Variants in TOX observed in about 807,000 individuals in gnomAD.
The protein encoded by TOX is thymocyte selection-associated high mobility group box protein TOX.
Under a neutral mutation model 53.7 loss-of-function variants are expected in TOX, and 11 were observed. The observed-to-expected ratio is 0.20, with a 90% confidence interval of 0.13 to 0.34. The LOEUF (loss-of-function observed/expected upper bound fraction) is 0.34, where lower values mean the gene tolerates loss of function less well. Among genes scored for constraint, TOX ranks in the 10% least tolerant of loss-of-function variants. TOX has a pLI of 1.00. For synonymous variants in TOX, 225 were observed against 245.3 expected (o/e 0.92, Z 0.77); for missense variants, 570 against 664.6 (o/e 0.86, Z 1.56).
At chr8:58,856,730 A>AG (rs1342656874) in intron 3 of TOX, among the ~76,000 whole-genome samples, 7 of 149,046 alleles carry the variant, frequency 4.7e-5, no homozygotes, top group African/African-American at 1.7e-4. Context: ...CCATGAAGGG[A>AG]GGGGCTCACC....
At chr8:58,835,201 A>C (rs1467938488) in intron 5 of TOX, among the ~76,000 whole-genome samples, 3 of 152,204 alleles carry the variant, frequency 2.0e-5, no homozygotes, top group Non-Finnish European at 4.4e-5. Context: ...TTTCATTGAG[A>C]GACAACCCAA....
chr8:59,078,253 TTCC>T (rs1804329433), intron 1 of TOX, among the ~76,000 whole-genome samples: 1 of 152,172 alleles, frequency 6.6e-6, no homozygotes, highest in African/African-American at 2.4e-5. Context: ...AGGGAGACTC[TTCC>T]TCCAGGAGCC....
intron 3 of TOX, among the ~76,000 whole-genome samples, chr8:58,857,419 G>A (rs1189938559): frequency 6.6e-6 from 1 of 152,096 alleles, no homozygotes; most frequent in African/African-American, 2.4e-5. Context: ...ATGGGTGCTA[G>A]GTTTCACTTT....
intron 1 of TOX, among the ~76,000 whole-genome samples, chr8:59,092,477 C>T (rs1366257951): frequency 6.7e-6 from 1 of 150,302 alleles, no homozygotes. Flanking sequence ...AATGCATTCA[C>T]TGTACGGAAG....
rs550702927 is a variant in TOX at position 59,108,640 on chromosome 8, C to T, written c.102+10246G>A. On this transcript the variant is annotated intron_variant, in intron 1 of 8. Transcript: ENST00000361421. ...TCTTCTCTTAAAACACTGAAGATTC[C>T]TAAATCATAAAGGAAACACACACAC... Among the ~76,000 whole-genome samples, 10 of 145,534 alleles carry T rather than the reference C, an allele frequency of 6.9e-5. No homozygotes were observed. The East Asian group carries it at 2.1e-3, about 30-fold the overall frequency.
chr8:58,976,911 C>T (rs1813111305), intron 1 of TOX, among the ~76,000 whole-genome samples: 1 of 152,182 alleles, frequency 6.6e-6, no homozygotes, highest in Non-Finnish European at 1.5e-5. Flanking sequence ...AAAGGATGTA[C>T]TGTCATCCAG....
intron 3 of TOX, among the ~76,000 whole-genome samples, chr8:58,935,271 A>G (rs1812324969): frequency 6.6e-6 from 1 of 152,154 alleles, no homozygotes; most frequent in Non-Finnish European, 1.5e-5. Context: ...ATCTAAATAT[A>G]TACAATAAAT....
intron 1 of TOX, among the ~76,000 whole-genome samples, chr8:58,979,787 C>T (rs1267726483): frequency 6.6e-6 from 1 of 152,166 alleles, no homozygotes; most frequent in Non-Finnish European, 1.5e-5. Flanking sequence ...CTTGACTCTA[C>T]CTCTTACTAT....
At chr8:58,858,701 T>A (rs1810956453) in intron 3 of TOX, among the ~76,000 whole-genome samples, 1 of 152,218 alleles carries the variant, frequency 6.6e-6, no homozygotes, top group African/African-American at 2.4e-5. Flanking sequence ...CCCAGGGCAA[T>A]AAGGAGACCC....
intron 1 of TOX, among the ~76,000 whole-genome samples, chr8:59,065,150 A>G (rs569924901): frequency 9.2e-5 from 14 of 152,238 alleles, no homozygotes; most frequent in Non-Finnish European, 1.8e-4. Context: ...TACTGTATTT[A>G]TTTAAAACAG....
intron 3 of TOX, among the ~76,000 whole-genome samples, chr8:58,884,500 AT>A (rs1462812334): frequency 6.6e-6 from 1 of 152,174 alleles, no homozygotes; most frequent in Non-Finnish European, 1.5e-5. Flanking sequence ...CTGCAAAATG[AT>A]TTATAAGTTG....
At chr8:58,872,274 C>T (rs1473112984) in intron 3 of TOX, among the ~76,000 whole-genome samples, 1 of 151,982 alleles carries the variant, frequency 6.6e-6, no homozygotes, top group Non-Finnish European at 1.5e-5. Context: ...CCCATGAGCA[C>T]ATTCTGATTA....
At chr8:59,063,899 TGTGTGTGTGTGTGTTC>T (rs1804040369) in intron 1 of TOX, among the ~76,000 whole-genome samples, 1 of 105,444 alleles carries the variant, frequency 9.5e-6, no homozygotes, top group Non-Finnish European at 1.7e-5. Flanking sequence ...AAATCATGTA[TGTGTGTGTGTGTGTTC>T]GTGTGTGTGT....
intron 1 of TOX, among the ~76,000 whole-genome samples, chr8:59,068,217 C>A (rs2914091): frequency 6.6e-6 from 1 of 151,986 alleles, no homozygotes; most frequent in Non-Finnish European, 1.5e-5. Flanking sequence ...TAACTCTGAA[C>A]GGTGAAAATA....
chr8:58,923,472 TACTC>T (rs1318135806), intron 3 of TOX, among the ~76,000 whole-genome samples: 2 of 152,174 alleles, frequency 1.3e-5, no homozygotes, highest in Non-Finnish European at 2.9e-5. Context: ...TTTCACATAA[TACTC>T]ACTCAGTGAA....
At chr8:59,039,069 C>T (rs1042599872) in intron 1 of TOX, among the ~76,000 whole-genome samples, 5 of 152,208 alleles carry the variant, frequency 3.3e-5, no homozygotes, top group African/African-American at 1.2e-4. Context: ...TGACCTCTGA[C>T]CTCCCTACCC....
intron 3 of TOX, among the ~76,000 whole-genome samples, chr8:58,899,162 A>G (rs1418389736): frequency 6.6e-6 from 1 of 152,200 alleles, no homozygotes. Context: ...TAAGTGGTAA[A>G]GATCTGTAAG....
At chr8:58,811,046 C>G (rs770703565) in intron 7 of TOX, among the ~76,000 whole-genome samples, 12 of 152,062 alleles carry the variant, frequency 7.9e-5, no homozygotes, top group Admixed American at 1.3e-4. Context: ...AAACAAGGAC[C>G]GAGAAACATA....
chr8:58,879,143 C>A lies in TOX; in HGVS notation c.412-27338G>T, dbSNP rs968373324. Among the ~76,000 whole-genome samples, 4 of 151,650 alleles carry A rather than the reference C, an allele frequency of 2.6e-5. No homozygotes were observed. In the South Asian group the frequency reaches 8.3e-4, roughly 32 times the overall value. On this transcript the variant is annotated intron_variant, in intron 3 of 8. Transcript: ENST00000361421. ...GCAACAGAAGGAAAATGCATAAAAT[C>A]TCATTTCCATTAAGACCTACATTCA...
Sources: gnomAD v4.1 joint callset for allele counts (sites outside exome capture counted in the v4.1 genomes callset) on GRCh38, gnomAD v4.1.1 for gene constraint, MANE v1.5 for transcripts, NCBI Gene and HGNC (gene_info 2026-07-23, HGNC 2026-07-21) for gene names.